PAFAH1B1: variants seen among roughly 807,000 people sequenced by gnomAD.
PAFAH1B1 encodes the protein platelet-activating factor acetylhydrolase IB subunit beta.
In PAFAH1B1, 2 loss-of-function variants were observed where a neutral mutation model predicts 57.5. The observed-to-expected ratio is 0.03, with a 90% CI of 0.01 to 0.11. PAFAH1B1 has a LOEUF of 0.11. Among genes scored for constraint, PAFAH1B1 ranks in the 10% least tolerant of loss-of-function variants. PAFAH1B1 has a pLI of 1.00. For missense variants in PAFAH1B1, 257 were observed against 512.0 expected (o/e 0.50, Z 4.81); for synonymous variants, 152 against 169.6 (o/e 0.90, Z 0.81).
chr17:2,679,610 ATGGATGGATGAT>A (rs2069343234), intron 9 of PAFAH1B1: 1 of 97,416 alleles, frequency 1.0e-5, no homozygotes, highest in African/African-American at 4.1e-5. Context: ...GGGTGGGTGG[ATGGATGGATGAT>A]TGGATGATTG....
intron 5 of PAFAH1B1, among the ~76,000 whole-genome samples, chr17:2,669,860 C>G (rs924807660): frequency 1.3e-5 from 2 of 151,802 alleles, no homozygotes; most frequent in Non-Finnish European, 2.9e-5. Flanking sequence ...CATTCCTGCT[C>G]TGAGACAGGG....
At chr17:2,603,084 C>G (rs2068163999) in intron 1 of PAFAH1B1, among the ~76,000 whole-genome samples, 2 of 152,358 alleles carry the variant, frequency 1.3e-5, no homozygotes, top group Middle Eastern at 3.4e-3. Context: ...CTTTGTGATT[C>G]TACTCCTGCT....
chr17:2,652,282 G>A lies in PAFAH1B1; in HGVS notation c.33-13090G>A, dbSNP rs540567800. On this transcript the variant is annotated intron_variant, in intron 2 of 10. Transcript: ENST00000397195. The stretch of plus-strand genomic sequence containing the variant: ...AAAAAAAAATTGGCCGGGCGTGGTG[G>A]CGGGTGCCTGTAGTCCCAGCTACTC... Among the ~76,000 whole-genome samples, 1,263 of 152,050 alleles carry A rather than the reference G, an allele frequency of 8.3e-3. 10 individuals carry two copies. Among genetic ancestry groups the A allele is most frequent in the African/African-American group, 0.017 (713 of 41,350 alleles).
intron 6 of PAFAH1B1, among the ~76,000 whole-genome samples, chr17:2,670,760 G>A (rs2069170795): frequency 6.6e-6 from 1 of 152,154 alleles, no homozygotes; most frequent in Non-Finnish European, 1.5e-5. Flanking sequence ...TATTTCCCGG[G>A]TCTTGTTGTG....
At chr17:2,673,169 T>C (rs1345059596) in intron 7 of PAFAH1B1, among the ~76,000 whole-genome samples, 2 of 152,238 alleles carry the variant, frequency 1.3e-5, no homozygotes, top group Non-Finnish European at 1.5e-5. Context: ...ATGATCATTA[T>C]GACAGTCATA....
chr17:2,623,409 C>T (rs1190924805), intron 1 of PAFAH1B1, among the ~76,000 whole-genome samples: 3 of 151,462 alleles, frequency 2.0e-5, no homozygotes, highest in African/African-American at 7.3e-5. Flanking sequence ...CAGGTGACCA[C>T]CACCACACCC....
chr17:2,609,805 C>T (rs911789217), intron 1 of PAFAH1B1, among the ~76,000 whole-genome samples: 4 of 151,976 alleles, frequency 2.6e-5, no homozygotes, highest in Non-Finnish European at 2.9e-5. Flanking sequence ...CCACCGCGCC[C>T]GGCTGAAACG....
chr17:2,657,521 G>A (rs1244813467), intron 2 of PAFAH1B1, among the ~76,000 whole-genome samples: 1 of 152,228 alleles, frequency 6.6e-6, no homozygotes, highest in Admixed American at 6.5e-5. Context: ...TGGGATTACA[G>A]GCGTGAGCTA....
intron 1 of PAFAH1B1, among the ~76,000 whole-genome samples, chr17:2,627,668 T>G (rs1204702312): frequency 1.3e-5 from 2 of 152,214 alleles, no homozygotes; most frequent in African/African-American, 4.8e-5. Context: ...ATTTGTAGAT[T>G]GCTTTTGGCA....
At chr17:2,633,682 C>G (rs1325988293) in intron 1 of PAFAH1B1, among the ~76,000 whole-genome samples, 1 of 152,134 alleles carries the variant, frequency 6.6e-6, no homozygotes, top group Non-Finnish European at 1.5e-5. Flanking sequence ...CCATTCTCAT[C>G]AAGGTTATCA....
At position 2,680,148 on chromosome 17, in the gene PAFAH1B1, CTT is replaced by C. The variant is rs1386851020; in HGVS notation, c.1003-11_1003-10del. The C allele has an allele frequency of 6.2e-7, 1 of 1,612,938 alleles. No individual in the cohort carries two copies. The highest frequency in any genetic ancestry group is 8.5e-7 in the Non-Finnish European group (1 of 1,179,504). On this transcript the variant is annotated splice_polypyrimidine_tract_variant and intron_variant, in intron 9 of 10. Coordinates refer to ENST00000397195, the MANE Select transcript of PAFAH1B1 (RefSeq NM_000430.4). ...TTTTGCCTTTTACTGAGTCAAATAA[CTT>C]TTTTGTTTTTAAGGTGGGTCATGAT...
intron 9 of PAFAH1B1, among the ~76,000 whole-genome samples, chr17:2,677,107 T>C (rs1169381292): frequency 1.3e-5 from 2 of 152,174 alleles, no homozygotes; most frequent in South Asian, 4.2e-4. Context: ...GAGCCGAGAT[T>C]GTGCCACTGC....
intron 1 of PAFAH1B1, among the ~76,000 whole-genome samples, chr17:2,607,321 G>A (rs1480433275): frequency 1.3e-5 from 2 of 151,896 alleles, no homozygotes; most frequent in South Asian, 2.1e-4. Context: ...CTACAGGCGT[G>A]CACCAGCGTG....
chr17:2,610,952 T>G (rs1597514814), intron 1 of PAFAH1B1, among the ~76,000 whole-genome samples: 2 of 152,206 alleles, frequency 1.3e-5, no homozygotes, highest in Non-Finnish European at 2.9e-5. Flanking sequence ...CCTTGGCAGG[T>G]ACCTCCATAC....
intron 2 of PAFAH1B1, chr17:2,642,542 T>C (rs907037047): frequency 3.9e-5 from 6 of 152,228 alleles, no homozygotes; most frequent in African/African-American, 1.4e-4. Context: ...CATGCAAATA[T>C]TCCATAATTT....
At chr17:2,673,023 G>T (rs1362239966) in intron 7 of PAFAH1B1, among the ~76,000 whole-genome samples, 1 of 151,942 alleles carries the variant, frequency 6.6e-6, no homozygotes. Flanking sequence ...AGCCGAGATC[G>T]TGCCATTGCA....
chr17:2,612,382 T>C (rs1314636941), intron 1 of PAFAH1B1, among the ~76,000 whole-genome samples: 1 of 151,856 alleles, frequency 6.6e-6, no homozygotes, highest in Non-Finnish European at 1.5e-5. Context: ...TTTTTGTATT[T>C]TTTTTAGTAG....
intron 2 of PAFAH1B1, among the ~76,000 whole-genome samples, chr17:2,663,754 G>A (rs572952146): frequency 6.6e-6 from 1 of 150,728 alleles, no homozygotes; most frequent in Non-Finnish European, 1.5e-5. Flanking sequence ...CTGGAGTGCA[G>A]TGGTGCAGTC....
At chr17:2,612,042 GT>G (rs2068273326) in intron 1 of PAFAH1B1, among the ~76,000 whole-genome samples, 1 of 152,054 alleles carries the variant, frequency 6.6e-6, no homozygotes, top group Non-Finnish European at 1.5e-5. Context: ...TAGCTATTAG[GT>G]TGAACCATTA....
Sources: allele counts gnomAD v4.1 joint callset (sites outside exome capture counted in the v4.1 genomes callset), GRCh38; gene constraint gnomAD v4.1.1; transcripts MANE v1.5; gene names NCBI Gene and HGNC (gene_info 2026-07-23, HGNC 2026-07-21).